DLG3: variants seen among roughly 807,000 people sequenced by gnomAD.
DLG3 encodes disks large homolog 3.
DLG3 carries 1 observed loss-of-function variant against 64.1 expected under a neutral mutation model. That is an observed-to-expected ratio of 0.02 (90% CI 0.01 to 0.07). DLG3 has a LOEUF of 0.07. DLG3 is among the 10% of genes least tolerant of loss of function. DLG3 has a pLI of 1.00. For synonymous variants in DLG3, 245 were observed against 259.8 expected, an observed-to-expected ratio of 0.94 and a Z score of 0.55; for missense variants, 429 against 669.5, an observed-to-expected ratio of 0.64 and a Z score of 3.96.
rs752431046 is a variant in DLG3, at chrX:70,445,113, C to CCGGCGG, written c.-76_-71dup. The CCGGCGG allele has an allele frequency of 1.4e-3, 1,045 of 750,071 alleles. 8 individuals carry two copies. In the African/African-American group the frequency reaches 0.022, roughly 16 times the overall value. The allele number at this position is 750,071 out of a possible 1,213,427, so 61.8% of individuals were successfully genotyped here. Reference sequence around the variant, plus strand: ...GAGCAGTGTGAGTGTGCCAGGGAGCCCGGCGGCGGCGGCGGCGGTGGTGGC... The same window carrying CCGGCGG: ...GAGCAGTGTGAGTGTGCCAGGGAGCCCGGCGGCGGCGGCGGCGGCGGCGGTGGTGGC... On this transcript the variant is annotated 5_prime_UTR_variant, in exon 1 of 19. Coordinates refer to ENST00000374360, the MANE Select transcript of DLG3 (RefSeq NM_021120.4).
At chrX:70,478,269 T>C (rs983904503) in intron 9 of DLG3, among the ~76,000 whole-genome samples, 3 of 112,564 alleles carry the variant, frequency 2.7e-5, no homozygotes, top group Non-Finnish European at 5.6e-5. Context: ...ATAAAAAGCC[T>C]TTTATAATAA....
intron 9 of DLG3, 171 bp from the exon 10 acceptor site, chrX:70,478,979 C>T (rs1001416887): frequency 9.3e-5 from 42 of 451,124 alleles, no homozygotes; most frequent in Non-Finnish European, 1.6e-4. Context: ...GGAAGTCTGT[C>T]TTTCTGTGCT....
chrX:70,501,590 A>G (rs887900259), intron 18 of DLG3, among the ~76,000 whole-genome samples: 3 of 111,436 alleles, frequency 2.7e-5, no homozygotes, highest in African/African-American at 9.8e-5. Flanking sequence ...TGTGTAAAGA[A>G]TTCATAAATG....
chrX:70,499,127 C>A, intron 14 of DLG3, 49 bp from the exon 15 acceptor site: 1 of 957,938 alleles, frequency 1.0e-6, no homozygotes, highest in Non-Finnish European at 1.5e-6. Context: ...GTAGGACAGG[C>A]TGTCTGGTGG....
rs376548823 is a variant in DLG3, at chrX:70,501,627, C to G, written c.2348-536C>G. Among the ~76,000 whole-genome samples the G allele has an allele frequency of 2.9e-3, 323 of 111,394 alleles. 3 individuals carry two copies. Among genetic ancestry groups the G allele is most frequent in the African/African-American group, 9.7e-3 (298 of 30,627 alleles). ...CCTCACACACCTTGGGTCTTCAGAGCTCCCTTTACCATCAGCATCCATGTC... is the reference window on the plus strand; with the variant it reads ...CCTCACACACCTTGGGTCTTCAGAGGTCCCTTTACCATCAGCATCCATGTC... On this transcript the variant is annotated intron_variant, in intron 18 of 18. Transcript: ENST00000374360.
chrX:70,462,040 T>TCCCCCCCCCCCCCCCCCCC (rs540004723), intron 9 of DLG3, among the ~76,000 whole-genome samples: 3 of 76,969 alleles, frequency 3.9e-5, no homozygotes, highest in African/African-American at 9.6e-5. Flanking sequence ...TCACTCCTCA[T>TCCCCCCCCCCCCCCCCCCC]CCCCCCCCCA....
At chrX:70,484,266 C>T (rs1215208429) in intron 10 of DLG3, among the ~76,000 whole-genome samples, 2 of 111,534 alleles carry the variant, frequency 1.8e-5, no homozygotes, top group Admixed American at 1.9e-4. Flanking sequence ...GGCCATCTGC[C>T]ATCTCAGTCG....
At chrX:70,490,562 G>A (rs866122655) in intron 10 of DLG3, among the ~76,000 whole-genome samples, 1 of 112,237 alleles carries the variant, frequency 8.9e-6, no homozygotes, top group Admixed American at 9.4e-5. Flanking sequence ...ATCATCTGAC[G>A]CTGATTTTTA....
intron 9 of DLG3, chrX:70,455,093 C>G: frequency 1.4e-6 from 1 of 715,709 alleles, no homozygotes; most frequent in Non-Finnish European, 1.7e-6. Flanking sequence ...GCCCCTCCTT[C>G]CCCCCATCGC....
chrX:70,483,136 T>G (rs1195633956), intron 10 of DLG3, among the ~76,000 whole-genome samples: 1 of 110,197 alleles, frequency 9.1e-6, no homozygotes, highest in Non-Finnish European at 1.9e-5. Flanking sequence ...AGTTTTTAAT[T>G]AGCCAGGTGT....
Position 70,449,495 on chromosome X carries a change from T to C in DLG3, c.533+12T>C. On this transcript the variant is annotated intron_variant, in intron 3 of 18. Coordinates refer to ENST00000374360, the MANE Select transcript of DLG3 (RefSeq NM_021120.4). Reference sequence around the variant, plus strand: ...GATGGGAGGCTGGGGTGAGATGGCCTGGAAGCAGGGTTGTGGGTGGCAGGG... The same window carrying C: ...GATGGGAGGCTGGGGTGAGATGGCCCGGAAGCAGGGTTGTGGGTGGCAGGG... 8.3e-7 allele frequency: 1 copy of C among 1,202,728 alleles called. No homozygotes were observed. Among genetic ancestry groups the C allele is most frequent in the Admixed American group, 2.2e-5 (1 of 44,485 alleles).
At chrX:70,467,741 C>G (rs1341907364) in intron 9 of DLG3, among the ~76,000 whole-genome samples, 4 of 111,780 alleles carry the variant, frequency 3.6e-5, no homozygotes, top group Non-Finnish European at 7.5e-5. Context: ...TCAAGTGTAC[C>G]CACCACCTGG....
In DLG3 at chrX:70,445,129, CGGT is replaced by C. The variant is rs2086551747; in HGVS notation, c.-67_-65del. 6 of 749,778 alleles carry C rather than the reference CGGT, an allele frequency of 8.0e-6. No individual in the cohort carries two copies. The highest frequency in any genetic ancestry group is 2.2e-5 in the African/African-American group (1 of 44,752). 61.8% of individuals were successfully genotyped at this position (749,778 alleles called of 1,213,427 possible). On this transcript the variant is annotated 5_prime_UTR_variant, in exon 1 of 19. Transcript: ENST00000374360. ...CCAGGGAGCCCGGCGGCGGCGGCGG[CGGT>C]GGTGGCGGCGGTGGCGGCGGCGTGG...
rs963655764 is a variant in DLG3, at chrX:70,455,153, C to G, written c.1405+837C>G. On this transcript the variant is annotated intron_variant, in intron 9 of 18. Coordinates refer to ENST00000374360, the MANE Select transcript of DLG3 (RefSeq NM_021120.4). ...CCCTCCTTCCCCCTCCTCTCTCCTCCCCTCCTCCCGCGCGCCCCGCTTTGT... is the reference window on the plus strand; with the variant it reads ...CCCTCCTTCCCCCTCCTCTCTCCTCGCCTCCTCCCGCGCGCCCCGCTTTGT... 7.9e-5 allele frequency: 59 copies of G among 750,017 alleles called. 2 individuals carry two copies. In the South Asian group the frequency reaches 3.4e-3, roughly 44 times the overall value. 61.8% of individuals were successfully genotyped at this position (750,017 alleles called of 1,213,427 possible).
intron 7 of DLG3, chrX:70,452,644 C>T (rs2086634183): frequency 8.4e-7 from 1 of 1,194,213 alleles, no homozygotes; most frequent in Non-Finnish European, 1.1e-6. Context: ...CGCAAGTTCT[C>T]GGGCTCCGGC....
At chrX:70,484,544 A>AT (rs1381099719) in intron 10 of DLG3, among the ~76,000 whole-genome samples, 1 of 111,299 alleles carries the variant, frequency 9.0e-6, no homozygotes, top group East Asian at 2.8e-4. Context: ...GGGGGTGGGG[A>AT]TAATATGTAT....
chrX:70,495,464 C>T lies in DLG3; in HGVS notation c.1819+11C>T. 1 of 1,202,657 alleles carries T rather than the reference C, an allele frequency of 8.3e-7. No individual in the cohort carries two copies. ...GAGCAAAGAACCTGAGTAAGTCCAA[C>T]TTACACACCGTTCACTGTACTTGTG... On this transcript the variant is annotated intron_variant, in intron 13 of 18. Coordinates refer to ENST00000374360, the MANE Select transcript of DLG3 (RefSeq NM_021120.4).
intron 7 of DLG3, chrX:70,452,787 C>T (rs1290743852): frequency 1.8e-6 from 2 of 1,129,055 alleles, no homozygotes; most frequent in Non-Finnish European, 2.4e-6. Context: ...CAAGAGCATC[C>T]GGGACTCAGG....
At chrX:70,447,105 C>T (rs768779846) in intron 1 of DLG3, among the ~76,000 whole-genome samples, 17 of 110,877 alleles carry the variant, frequency 1.5e-4, no homozygotes, top group Non-Finnish European at 2.5e-4. Flanking sequence ...GGCTGGGAGA[C>T]AGGTGGCAAT....
Sources: allele counts gnomAD v4.1 joint callset (sites outside exome capture counted in the v4.1 genomes callset), GRCh38; gene constraint gnomAD v4.1.1; transcripts MANE v1.5; gene names NCBI Gene and HGNC (gene_info 2026-07-23, HGNC 2026-07-21).